The following ATP2C1 variants were observed in gnomAD, a reference collection of about 807,000 sequenced individuals.
The protein encoded by ATP2C1 is calcium-transporting ATPase type 2C member 1.
ATP2C1 carries 31 observed loss-of-function variants against 120.5 expected under a neutral mutation model. The ratio of observed to expected loss-of-function variants is 0.26; its 90% CI spans 0.19 to 0.35. ATP2C1 has a LOEUF of 0.35. Ranked by LOEUF, ATP2C1 falls within the 10% of genes least tolerant of loss-of-function variation. The probability of loss-of-function intolerance (pLI) is 1.00; values close to 1 mark genes in which losing one functional copy is unlikely to be tolerated. For synonymous variants in ATP2C1, 351 were observed against 358.7 expected (o/e 0.98, Z 0.24); for missense variants, 731 against 1,107.5 (o/e 0.66, Z 4.83).
chr3:130,865,658 G>T (rs1261635544), intron 1 of ATP2C1, among the ~76,000 whole-genome samples: 1 of 152,146 alleles, frequency 6.6e-6, no homozygotes, highest in Non-Finnish European at 1.5e-5. Flanking sequence ...GTCTCACAAG[G>T]TCTGATGGGT....
At chr3:131,013,891 T>C in intron 26 of ATP2C1, 1 of 548,166 alleles carries the variant, frequency 1.8e-6, no homozygotes, top group East Asian at 3.1e-5. Context: ...AATCAGGTTG[T>C]ATTTATTAAA....
chr3:131,001,975 T>G lies in ATP2C1; in HGVS notation c.*625T>G. 1 of 983,158 alleles carries G rather than the reference T, an allele frequency of 1.0e-6. No homozygotes were observed. The highest frequency in any genetic ancestry group is 1.7e-5 in the African/African-American group (1 of 57,322). The allele number at this position is 983,158 out of a possible 1,614,324, so 60.9% of individuals were successfully genotyped here. A position where few individuals can be genotyped will look rare whatever the true frequency, so the allele number is the denominator to read the frequency against. On this transcript the variant is annotated 3_prime_UTR_variant, in exon 28 of 28. Transcript: ENST00000510168. ...GAAAAGCCTATACTACAATTTGAAGTAAATTTTTGTTTTTCTTAGTAAGTG... is the reference window on the plus strand; with the variant it reads ...GAAAAGCCTATACTACAATTTGAAGGAAATTTTTGTTTTTCTTAGTAAGTG...
At chr3:130,874,167 G>C (rs1275281478) in intron 1 of ATP2C1, among the ~76,000 whole-genome samples, 1 of 151,448 alleles carries the variant, frequency 6.6e-6, no homozygotes, top group Non-Finnish European at 1.5e-5. Flanking sequence ...AGTGCCCAGG[G>C]CATGCAACTA....
downstream of ATP2C1, among the ~76,000 whole-genome samples, chr3:131,006,197 T>C (rs1019833985): frequency 2.0e-5 from 3 of 152,168 alleles, no homozygotes; most frequent in African/African-American, 7.2e-5. Context: ...CTGCAACCTT[T>C]GCTTCCTGAG....
In ATP2C1 at chr3:131,002,200, TA is replaced by T. The variant is rs2062922476; in HGVS notation, c.*851del. 1 of 970,214 alleles carries T rather than the reference TA, an allele frequency of 1.0e-6. No homozygotes were observed. The highest frequency in any genetic ancestry group is 1.8e-5 in the African/African-American group (1 of 56,910). 60.1% of individuals were successfully genotyped at this position (970,214 alleles called of 1,614,324 possible). ...TCTTCCTTTTTGAGGTAAAGATATATACTTTGTCAAATATCATTTTGTCATC... is the reference window on the plus strand; with the variant it reads ...TCTTCCTTTTTGAGGTAAAGATATATCTTTGTCAAATATCATTTTGTCATC... On this transcript the variant is annotated 3_prime_UTR_variant, in exon 28 of 28. Coordinates refer to ENST00000510168, the MANE Select transcript of ATP2C1 (RefSeq NM_001378687.1).
intron 25 of ATP2C1, 54 bp downstream of exon 25, chr3:130,997,807 G>T: frequency 1.9e-6 from 3 of 1,588,038 alleles, no homozygotes; most frequent in Non-Finnish European, 2.6e-6. Flanking sequence ...TATCTGATAG[G>T]ATTCTTAGTT....
At chr3:130,969,999 G>A (rs1311145154) in intron 17 of ATP2C1, among the ~76,000 whole-genome samples, 1 of 152,166 alleles carries the variant, frequency 6.6e-6, no homozygotes, top group African/African-American at 2.4e-5. Context: ...TTACCAGCTT[G>A]ATGATGAAAC....
At chr3:130,986,207 G>A (rs1455732102) in intron 20 of ATP2C1, among the ~76,000 whole-genome samples, 5 of 142,188 alleles carry the variant, frequency 3.5e-5, no homozygotes, top group Non-Finnish European at 6.1e-5. Flanking sequence ...TTTGGTGCAC[G>A]TCCTATCCTG....
At chr3:130,950,091 C>T (rs1417177470) in intron 8 of ATP2C1, among the ~76,000 whole-genome samples, 1 of 152,034 alleles carries the variant, frequency 6.6e-6, no homozygotes, top group Non-Finnish European at 1.5e-5. Flanking sequence ...TTCAGGAAAC[C>T]TTTGTGACTG....
At chr3:130,921,533 G>C (rs1020272904) in intron 2 of ATP2C1, among the ~76,000 whole-genome samples, 1 of 152,124 alleles carries the variant, frequency 6.6e-6, no homozygotes, top group Admixed American at 6.5e-5. Context: ...CTTTGTTCCT[G>C]ATCTTTCAGG....
chr3:130,951,072 G>A (rs1335153388), intron 8 of ATP2C1, among the ~76,000 whole-genome samples: 1 of 152,092 alleles, frequency 6.6e-6, no homozygotes, highest in African/African-American at 2.4e-5. Flanking sequence ...AAAGTTACGT[G>A]CAACTCTGAC....
chr3:130,986,198 T>TC (rs2062004222), intron 20 of ATP2C1, among the ~76,000 whole-genome samples: 1 of 151,416 alleles, frequency 6.6e-6, no homozygotes, highest in Non-Finnish European at 1.5e-5. Flanking sequence ...TTTTTTTTTT[T>TC]TGGTGCACGT....
intron 2 of ATP2C1, among the ~76,000 whole-genome samples, chr3:130,919,455 G>T (rs190221773): frequency 3.9e-4 from 59 of 152,176 alleles, no homozygotes; most frequent in Non-Finnish European, 1.2e-4. Context: ...CTTACTGCAG[G>T]TGATCCGCCT....
At chr3:130,964,542 A>G (rs1056868375) in intron 13 of ATP2C1, among the ~76,000 whole-genome samples, 3 of 152,068 alleles carry the variant, frequency 2.0e-5, no homozygotes, top group African/African-American at 7.2e-5. Flanking sequence ...TACTGAATTT[A>G]ATTTCTAGTT....
chr3:130,948,681 C>T (rs2060248152), intron 8 of ATP2C1, among the ~76,000 whole-genome samples: 1 of 152,070 alleles, frequency 6.6e-6, no homozygotes, highest in Admixed American at 6.5e-5. Flanking sequence ...CTCATTTTAT[C>T]ATGCTTCAAA....
intron 26 of ATP2C1, chr3:131,014,341 C>T: frequency 1.2e-6 from 2 of 1,611,780 alleles, no homozygotes; most frequent in Non-Finnish European, 1.7e-6. Flanking sequence ...GAGGTCGATG[C>T]TAGCAGTTGC....
chr3:130,890,208 A>G (rs529130268), upstream of ATP2C1, among the ~76,000 whole-genome samples: 20 of 152,328 alleles, frequency 1.3e-4, no homozygotes, highest in African/African-American at 4.8e-4. Context: ...TTTGTATCTC[A>G]AAACAAATCC....
chr3:130,915,925 A>T (rs1197795601), intron 2 of ATP2C1, among the ~76,000 whole-genome samples: 2 of 152,196 alleles, frequency 1.3e-5, no homozygotes, highest in African/African-American at 4.8e-5. Flanking sequence ...TCACTAAATA[A>T]ATGGGTTATG....
intron 14 of ATP2C1, among the ~76,000 whole-genome samples, chr3:130,965,807 TA>T (rs2061023442): frequency 6.6e-6 from 1 of 152,092 alleles, no homozygotes; most frequent in South Asian, 2.1e-4. Context: ...TCTTAGTCCT[TA>T]TCTTAGGTAA....
Sources: allele counts gnomAD v4.1 joint callset (sites outside exome capture counted in the v4.1 genomes callset), GRCh38; gene constraint gnomAD v4.1.1; transcripts MANE v1.5; gene names NCBI Gene and HGNC (gene_info 2026-07-23, HGNC 2026-07-21).